Variants in CPXM2 observed in about 807,000 individuals in gnomAD.
The protein encoded by CPXM2 is carboxypeptidase X, M14 family member 2.
In CPXM2, 66 loss-of-function variants were observed where a neutral mutation model predicts 86.1. The ratio of observed to expected loss-of-function variants is 0.77; its 90% CI spans 0.63 to 0.94. The LOEUF is 0.94. CPXM2 is among the 40% of genes least tolerant of loss of function. The pLI is 0.00. For synonymous variants in CPXM2, 388 were observed against 400.2 expected (o/e 0.97, Z 0.36); for missense variants, 948 against 1,026.3 (o/e 0.92, Z 1.04).
At chr10:123,943,289 G>A (rs1353043672), upstream of CPXM2, among the ~76,000 whole-genome samples, 1 of 152,158 alleles carries the variant, frequency 6.6e-6, no homozygotes, top group African/African-American at 2.4e-5. Flanking sequence ...TGACAATCAT[G>A]ACTGTGCCTT....
intron 11 of CPXM2, among the ~76,000 whole-genome samples, chr10:123,761,291 G>C (rs1846332169): frequency 6.6e-6 from 1 of 152,188 alleles, no homozygotes; most frequent in Admixed American, 6.5e-5. Context: ...CAGCAGGTAT[G>C]AATGGAACCG....
rs180817423 is a variant in CPXM2 at position 123,775,262 on chromosome 10, A to G, written c.979-4223T>C. On this transcript the variant is annotated intron_variant, in intron 7 of 13. Coordinates refer to ENST00000241305, the MANE Select transcript of CPXM2 (RefSeq NM_198148.3). ...CTTGCCATCTCCTTTGAGACCCCAT[A>G]TACTCGTCCCTGCTGATGCAGTCAT... 2.3e-3 allele frequency among the ~76,000 whole-genome samples: 345 copies of G among 152,230 alleles called. 2 individuals are homozygous for G. The highest frequency in any genetic ancestry group is 7.9e-3 in the African/African-American group (328 of 41,542).
chr10:123,895,467 T>C (rs1420610902), upstream of CPXM2, among the ~76,000 whole-genome samples: 1 of 152,238 alleles, frequency 6.6e-6, no homozygotes, highest in Non-Finnish European at 1.5e-5. Context: ...TGATAAGCTC[T>C]GTGATTATTA....
chr10:123,832,209 A>G (rs924237410), intron 4 of CPXM2, among the ~76,000 whole-genome samples: 9 of 152,208 alleles, frequency 5.9e-5, no homozygotes, highest in African/African-American at 2.2e-4. Flanking sequence ...CCTAAAGGTC[A>G]TGAGGCCCCA....
chr10:123,907,125 C>A (rs373301758), intron 2 of CPXM2, among the ~76,000 whole-genome samples: 3 of 152,164 alleles, frequency 2.0e-5, no homozygotes, highest in African/African-American at 7.2e-5. Context: ...GGAGGGCTTC[C>A]ATCAGCACCG....
At chr10:123,808,669 A>G (rs930324685) in intron 4 of CPXM2, among the ~76,000 whole-genome samples, 9 of 152,216 alleles carry the variant, frequency 5.9e-5, no homozygotes, top group Non-Finnish European at 1.2e-4. Context: ...CAGCAGGTAC[A>G]ATTAAGTAAT....
intron 4 of CPXM2, among the ~76,000 whole-genome samples, chr10:123,809,145 C>T (rs757035624): frequency 8.5e-5 from 13 of 152,060 alleles, no homozygotes; most frequent in Admixed American, 3.3e-4. Flanking sequence ...TCTCAGTTAT[C>T]AGATCGACTG....
At chr10:123,837,281 T>C (rs1848300999) in intron 4 of CPXM2, among the ~76,000 whole-genome samples, 1 of 152,200 alleles carries the variant, frequency 6.6e-6, no homozygotes, top group Admixed American at 6.5e-5. Context: ...TCCATCTTCC[T>C]CTCATTAGCC....
intron 4 of CPXM2, among the ~76,000 whole-genome samples, chr10:123,830,852 ATCTC>A (rs150171922): frequency 2.2e-4 from 31 of 139,798 alleles, no homozygotes; most frequent in Admixed American, 1.8e-3. Flanking sequence ...GTATGCACTC[ATCTC>A]TCTCTCTCTC....
intron 10 of CPXM2, among the ~76,000 whole-genome samples, chr10:123,763,243 T>G (rs1846388059): frequency 6.6e-6 from 1 of 152,200 alleles, no homozygotes; most frequent in Non-Finnish European, 1.5e-5. Context: ...TTTCACCATG[T>G]TGGCCAGGAT....
At chr10:123,824,032 G>A (rs1384334931) in intron 4 of CPXM2, among the ~76,000 whole-genome samples, 1 of 152,052 alleles carries the variant, frequency 6.6e-6, no homozygotes, top group African/African-American at 2.4e-5. Flanking sequence ...TCATTTTAGG[G>A]TCATTTTCTT....
chr10:123,833,584 A>G (rs1848214284), intron 4 of CPXM2, among the ~76,000 whole-genome samples: 1 of 152,214 alleles, frequency 6.6e-6, no homozygotes, highest in Non-Finnish European at 1.5e-5. Flanking sequence ...GACCGCACTC[A>G]TGGCTTTCCA....
At chr10:123,756,576 C>T (rs1846217162) in intron 12 of CPXM2, among the ~76,000 whole-genome samples, 1 of 151,752 alleles carries the variant, frequency 6.6e-6, no homozygotes, top group African/African-American at 2.4e-5. Flanking sequence ...TGTGTCCCCA[C>T]CCCACCCCGA....
rs550544779 is a variant in CPXM2 at position 123,754,079 on chromosome 10, T to C, written c.2017+584A>G. Among the ~76,000 whole-genome samples the C allele has an allele frequency of 2.6e-5, 4 of 152,348 alleles. No individual in the cohort carries two copies. The highest frequency in any genetic ancestry group is 6.5e-5 in the Admixed American group (1 of 15,306). ...ACGTTTATTGTTACTGTTATTCTTA[T>C]CCTACCCTTCACATTACAGACACCT... is the stretch of plus-strand genomic sequence containing the variant. On this transcript the variant is annotated intron_variant, in intron 13 of 13. Coordinates refer to ENST00000241305, the MANE Select transcript of CPXM2 (RefSeq NM_198148.3). This position sits in a 1 kb window ranked among gnomAD's most constrained non-coding sequence, Gnocchi z 4.0.
intron 4 of CPXM2, 138 bp downstream of exon 4, chr10:123,842,209 CCT>C (rs1848400994): frequency 8.8e-6 from 10 of 1,133,530 alleles, no homozygotes; most frequent in Non-Finnish European, 7.5e-6. Flanking sequence ...AGCCCAGCCT[CCT>C]GTTCATATTC....
chr10:123,803,591 T>C (rs541663179), intron 4 of CPXM2, among the ~76,000 whole-genome samples: 1 of 152,354 alleles, frequency 6.6e-6, no homozygotes, highest in Admixed American at 6.5e-5. Flanking sequence ...ATTTAAGATC[T>C]GCAATCCATT....
intron 2 of CPXM2, among the ~76,000 whole-genome samples, chr10:123,897,156 C>A (rs889758534): frequency 6.6e-6 from 1 of 151,196 alleles, no homozygotes; most frequent in Admixed American, 6.6e-5. Context: ...GCCCTGCAGT[C>A]CTATGGAGGG....
At chr10:123,906,003 G>A (rs1945435831) in intron 2 of CPXM2, among the ~76,000 whole-genome samples, 1 of 152,068 alleles carries the variant, frequency 6.6e-6, no homozygotes, top group Admixed American at 6.5e-5. Context: ...CTCTTCCTTC[G>A]GCCAGTGACG....
At chr10:123,888,051 T>C (rs530521446) in intron 1 of CPXM2, among the ~76,000 whole-genome samples, 1 of 152,248 alleles carries the variant, frequency 6.6e-6, no homozygotes, top group East Asian at 1.9e-4. Context: ...GTCACACCCA[T>C]TGGGCATTTC....
Sources: gnomAD v4.1 joint callset for allele counts (sites outside exome capture counted in the v4.1 genomes callset) on GRCh38, gnomAD v4.1.1 for gene constraint, Gnocchi (gnomAD v3.1) non-coding constraint, MANE v1.5 for transcripts, NCBI Gene and HGNC (gene_info 2026-07-23, HGNC 2026-07-21) for gene names.